CCDC85A: variants seen among roughly 807,000 people sequenced by gnomAD.
CCDC85A encodes coiled-coil domain-containing protein 85A.
A neutral mutation model predicts 50.2 loss-of-function variants in CCDC85A; 38 were observed. That is an observed-to-expected ratio of 0.76 (90% CI 0.58 to 0.99). CCDC85A has a LOEUF of 0.99. Among genes scored for constraint, CCDC85A ranks in the 50% least tolerant of loss-of-function variants. The pLI, the probability that CCDC85A is intolerant of heterozygous loss-of-function variation, is 0.00. For synonymous variants in CCDC85A, 366 were observed against 301.4 expected (o/e 1.21, Z -2.22); for missense variants, 820 against 742.0 (o/e 1.11, Z -1.22).
intron 3 of CCDC85A, among the ~76,000 whole-genome samples, chr2:56,350,235 T>G (rs1211193561): frequency 1.3e-5 from 2 of 151,472 alleles, no homozygotes; most frequent in Non-Finnish European, 2.9e-5. Flanking sequence ...GGCACTACCT[T>G]GGCTCACTGC....
intron 2 of CCDC85A, among the ~76,000 whole-genome samples, chr2:56,255,524 G>A (rs1669945806): frequency 2.6e-5 from 4 of 152,160 alleles, no homozygotes; most frequent in Admixed American, 2.0e-4. Flanking sequence ...GTCATCAGAG[G>A]AGACAGAAGA....
chr2:56,246,868 G>A (rs370746474), intron 2 of CCDC85A, among the ~76,000 whole-genome samples: 1 of 152,202 alleles, frequency 6.6e-6, no homozygotes, highest in African/African-American at 2.4e-5. Context: ...GATGGTTTCA[G>A]GACTTTTTAC....
intron 2 of CCDC85A, among the ~76,000 whole-genome samples, chr2:56,315,545 G>C (rs1351498854): frequency 6.6e-6 from 1 of 152,106 alleles, no homozygotes. Flanking sequence ...GCATGTAACT[G>C]AGTAGGTAAG....
intron 2 of CCDC85A, among the ~76,000 whole-genome samples, chr2:56,295,815 A>T (rs2111473): frequency 0.18 from 27,417 of 152,170 alleles, 3,367 homozygotes; most frequent in African/African-American, 0.34. Flanking sequence ...CCCTATCATA[A>T]CAGCTTCTGG....
chr2:56,275,544 C>G lies in CCDC85A; in HGVS notation c.1241-67335C>G, dbSNP rs567095857. ...TATTTAATAAATTTTCACTTTTTCG[C>G]TGTTTGTCCACATTCTGTATTTACA... On this transcript the variant is annotated intron_variant, in intron 2 of 5. Coordinates refer to ENST00000407595, the MANE Select transcript of CCDC85A (RefSeq NM_001080433.2). Among the ~76,000 whole-genome samples, 133 of 152,240 alleles carry G rather than the reference C, an allele frequency of 8.7e-4. 1 individual carries two copies. The highest frequency in any genetic ancestry group is 3.1e-3 in the African/African-American group (129 of 41,564).
chr2:56,218,075 A>G (rs2103898069), intron 2 of CCDC85A, among the ~76,000 whole-genome samples: 1 of 151,998 alleles, frequency 6.6e-6, no homozygotes, highest in African/African-American at 2.4e-5. Flanking sequence ...ATGCTCAGAA[A>G]CCAAAACAAA....
At chr2:56,261,878 C>T (rs1485722680) in intron 2 of CCDC85A, among the ~76,000 whole-genome samples, 1 of 152,150 alleles carries the variant, frequency 6.6e-6, no homozygotes, top group Non-Finnish European at 1.5e-5. Context: ...CACTTTAGCT[C>T]TCAACTGCCC....
rs544016155 is a variant in CCDC85A, at chr2:56,193,240, G to T, written c.1040G>T (p.Ser347Ile). The change falls in exon 2 of 6, where the codon AGC becomes ATC. Residue 347 changes from serine (S) to isoleucine (I), a missense_variant. Coordinates refer to ENST00000407595, the MANE Select transcript of CCDC85A (RefSeq NM_001080433.2). ...CTTCAGAAACACGCTCTTGGGGGGA[G>T]CCTAGAGCATCTCCCCAGAGCCAGG... ...EHLQKHALGGSLEHLPRARGT... is the reference protein window; with the variant it reads ...EHLQKHALGGILEHLPRARGT... 4 of 1,612,244 alleles carry T rather than the reference G, an allele frequency of 2.5e-6. No individual in the cohort carries two copies. The highest frequency in any genetic ancestry group is 1.3e-5 in the African/African-American group (1 of 74,424).
intron 3 of CCDC85A, among the ~76,000 whole-genome samples, chr2:56,346,417 C>G (rs1318873756): frequency 6.6e-6 from 1 of 152,136 alleles, no homozygotes; most frequent in African/African-American, 2.4e-5. Flanking sequence ...GACTCTTTCA[C>G]AGATAAAGGC....
intron 2 of CCDC85A, among the ~76,000 whole-genome samples, chr2:56,285,637 A>C (rs1157202136): frequency 6.7e-6 from 1 of 149,506 alleles, no homozygotes; most frequent in Non-Finnish European, 1.5e-5. Context: ...TTTATTATAT[A>C]ATTACATTTT....
chr2:56,317,563 A>T (rs925681801), intron 2 of CCDC85A, among the ~76,000 whole-genome samples: 2 of 152,134 alleles, frequency 1.3e-5, no homozygotes, highest in African/African-American at 4.8e-5. Context: ...CATTAAGAGG[A>T]AATTTCACGT....
At chr2:56,241,963 C>T (rs998786081) in intron 2 of CCDC85A, among the ~76,000 whole-genome samples, 3 of 152,062 alleles carry the variant, frequency 2.0e-5, no homozygotes, top group African/African-American at 7.2e-5. Context: ...ACAAGTGTTC[C>T]TTTTTCTCCA....
chr2:56,349,321 G>A (rs559456673), intron 3 of CCDC85A, among the ~76,000 whole-genome samples: 62 of 152,270 alleles, frequency 4.1e-4, no homozygotes, highest in African/African-American at 1.5e-3. Context: ...GGTTTTATGT[G>A]TAGTTCAATA....
intron 3 of CCDC85A, among the ~76,000 whole-genome samples, chr2:56,366,359 T>G (rs1201397136): frequency 6.6e-6 from 1 of 152,182 alleles, no homozygotes; most frequent in Non-Finnish European, 1.5e-5. Flanking sequence ...CTATACTTAT[T>G]TGCATTCCCA....
chr2:56,194,628 C>G (rs1032503967), intron 2 of CCDC85A, among the ~76,000 whole-genome samples: 2 of 152,178 alleles, frequency 1.3e-5, no homozygotes, highest in Non-Finnish European at 2.9e-5. Context: ...TAATCCTTTT[C>G]TCATAGTGCT....
intron 2 of CCDC85A, among the ~76,000 whole-genome samples, chr2:56,304,943 CAA>C (rs202134056): frequency 6.0e-5 from 8 of 132,698 alleles, no homozygotes; most frequent in Non-Finnish European, 9.6e-5. Context: ...AACAAAAAAA[CAA>C]AAAAAAAAAA....
At chr2:56,244,429 A>C (rs1321787329) in intron 2 of CCDC85A, among the ~76,000 whole-genome samples, 3 of 151,854 alleles carry the variant, frequency 2.0e-5, no homozygotes, top group Non-Finnish European at 4.4e-5. Flanking sequence ...ACTTGTGCTG[A>C]ATGCTTCTAG....
At position 56,362,038 on chromosome 2, in the gene CCDC85A, A is replaced by G. The variant is rs146697593; in HGVS notation, c.1318-10306A>G. On this transcript the variant is annotated intron_variant, in intron 3 of 5. Transcript: ENST00000407595. ...TTTCAAGTAGAGCTAAGGGTGCTTA[A>G]TGATAGATGGAATGTGGACTGTAAA... is the stretch of plus-strand genomic sequence containing the variant. Among the ~76,000 whole-genome samples the G allele has an allele frequency of 2.4e-4, 37 of 152,208 alleles. 1 individual carries two copies. The highest frequency in any genetic ancestry group is 8.7e-4 in the African/African-American group (36 of 41,514).
intron 2 of CCDC85A, among the ~76,000 whole-genome samples, chr2:56,204,296 T>C (rs1261560530): frequency 6.6e-6 from 1 of 152,258 alleles, no homozygotes; most frequent in African/African-American, 2.4e-5. Context: ...CTTAAATGTC[T>C]ATTCACTGTT....
Sources: allele counts gnomAD v4.1 joint callset (sites outside exome capture counted in the v4.1 genomes callset), GRCh38; gene constraint gnomAD v4.1.1; transcripts MANE v1.5; gene names NCBI Gene and HGNC (gene_info 2026-07-23, HGNC 2026-07-21).